Variants in XAF1 observed in about 807,000 individuals in gnomAD.
XAF1 encodes the protein XIAP associated factor 1.
XAF1 carries 32 observed loss-of-function variants against 32.3 expected under a neutral mutation model. The observed-to-expected ratio is 0.99, with a 90% CI of 0.75 to 1.33. XAF1 has a LOEUF of 1.33. Ranked by LOEUF, XAF1 falls within the 40% of genes most tolerant of loss-of-function variation. XAF1 has a pLI of 0.00. For missense variants in XAF1, 379 were observed against 366.0 expected (o/e 1.04, Z -0.29); for synonymous variants, 120 against 125.9 (o/e 0.95, Z 0.31).
intron 1 of XAF1, among the ~76,000 whole-genome samples, chr17:6,756,865 A>T (rs560108506): frequency 2.7e-4 from 41 of 152,260 alleles, no homozygotes; most frequent in African/African-American, 9.6e-4. Flanking sequence ...CTGTGCCAGG[A>T]ACATGGGCAT....
At chr17:6,765,658 G>A (rs1975564175) in intron 5 of XAF1, among the ~76,000 whole-genome samples, 2 of 152,228 alleles carry the variant, frequency 1.3e-5, no homozygotes, top group South Asian at 4.2e-4. Context: ...CAGTTGTTCA[G>A]GCCAAAATCT....
At chr17:6,764,020 G>A (rs1975410880) in intron 5 of XAF1, among the ~76,000 whole-genome samples, 1 of 152,144 alleles carries the variant, frequency 6.6e-6, no homozygotes, top group African/African-American at 2.4e-5. Context: ...CTGGCAACCA[G>A]GGCACCTACA....
upstream of XAF1, chr17:6,755,579 C>T (rs905370880): frequency 4.4e-5 from 44 of 1,005,914 alleles, no homozygotes; most frequent in Admixed American, 1.0e-4. Flanking sequence ...CCTCCCTGGA[C>T]GCTGTTTGCA....
intron 3 of XAF1, 49 bp downstream of exon 3, chr17:6,759,767 A>C: frequency 6.2e-7 from 1 of 1,613,680 alleles, no homozygotes; most frequent in Non-Finnish European, 8.5e-7. Context: ...GACCAACCTG[A>C]GAAAAGGAGA....
chr17:6,762,309 A>C (rs1385212330), intron 5 of XAF1, 69 bp downstream of exon 5: 2 of 1,385,254 alleles, frequency 1.4e-6, no homozygotes, highest in Non-Finnish European at 9.8e-7. Flanking sequence ...TGTGATAGGA[A>C]AGGCAGATTC....
At position 6,770,990 on chromosome 17, in the gene XAF1, C is replaced by G. The variant is rs371175184; in HGVS notation, c.849+6C>G. 4 of 1,613,950 alleles carry G rather than the reference C, an allele frequency of 2.5e-6. No homozygotes were observed. The highest frequency in any genetic ancestry group is 3.4e-6 in the Non-Finnish European group (4 of 1,179,882). On this transcript the variant is annotated splice_donor_region_variant and intron_variant, in intron 6 of 6. Transcript: ENST00000361842. ...CGATCCTAAATCAACATCAGGTACTCAGCCTCTGTTCTCTGCTTACCTTTC... is the reference window on the plus strand; with the variant it reads ...CGATCCTAAATCAACATCAGGTACTGAGCCTCTGTTCTCTGCTTACCTTTC...
At chr17:6,759,058 A>G in intron 2 of XAF1, 2 of 771,834 alleles carry the variant, frequency 2.6e-6, no homozygotes, top group Non-Finnish European at 3.3e-6. Flanking sequence ...TGCAGGAGAG[A>G]TGGGGTCCGG....
rs144018972 is a variant in XAF1 at position 6,760,526 on chromosome 17, G to C, written c.346G>C (p.Gly116Arg). The C allele has an allele frequency of 1.9e-6, 3 of 1,613,598 alleles. No individual in the cohort carries two copies. Among genetic ancestry groups the C allele is most frequent in the Non-Finnish European group, 2.5e-6 (3 of 1,179,950 alleles). Residue 116 changes from glycine to arginine, a missense_variant, in exon 4 of 7, where the codon GGC becomes CGC. Coordinates refer to ENST00000361842, the MANE Select transcript of XAF1 (RefSeq NM_017523.5). ...GSRTELCQGC[G>R]QFIMHRMLAQ... is the part of the protein sequence containing the mutation. ...CCGGACAGAGCTCTGCCAAGGCTGT[G>C]GCCAGTTCATCATGCACCGCATGCT...
chr17:6,758,642 G>A (rs968073434), intron 2 of XAF1: 2 of 330,814 alleles, frequency 6.0e-6, no homozygotes, highest in African/African-American at 2.2e-5. Flanking sequence ...TGGGGTCTGG[G>A]AGGGGCAAGT....
chr17:6,768,132 T>TC lies in XAF1; in HGVS notation c.508-2511_508-2510insC, dbSNP rs1276032645. On this transcript the variant is annotated intron_variant, in intron 5 of 6. Transcript: ENST00000361842. Reference sequence around the variant, plus strand: ...TGCTTTTTTTCTTTCTTTCTTTCTTTTTTTTTTTGAGACAAAAGTCTCACT... The same window carrying TC: ...TGCTTTTTTTCTTTCTTTCTTTCTTTCTTTTTTTTGAGACAAAAGTCTCACT... Among the ~76,000 whole-genome samples the TC allele has an allele frequency of 3.9e-5, 6 of 152,012 alleles. No homozygotes were observed. In the South Asian group the frequency reaches 8.3e-4, roughly 21 times the overall value.
intron 1 of XAF1, 148 bp from the exon 2 acceptor site, chr17:6,757,941 C>G: frequency 9.2e-7 from 1 of 1,081,584 alleles, no homozygotes; most frequent in South Asian, 1.4e-5. Flanking sequence ...TGGACCCACA[C>G]AGGGAGTGTG....
chr17:6,758,604 G>T, intron 2 of XAF1: 2 of 349,646 alleles, frequency 5.7e-6, no homozygotes, highest in Non-Finnish European at 1.1e-5. Context: ...GAGTCAAGGC[G>T]AGTGTTCAGT....
intron 5 of XAF1, among the ~76,000 whole-genome samples, chr17:6,764,651 A>C (rs116702772): frequency 0.063 from 9,640 of 152,196 alleles, 475 homozygotes; most frequent in Middle Eastern, 0.14. Flanking sequence ...ACTTTTTATT[A>C]ATATGACCCA....
chr17:6,767,761 C>CT, intron 5 of XAF1, among the ~76,000 whole-genome samples: 1 of 152,146 alleles, frequency 6.6e-6, no homozygotes, highest in South Asian at 2.1e-4. Context: ...GCTGCTGCTG[C>CT]TGCTTGCTTC....
At chr17:6,758,998 C>A in intron 2 of XAF1, 1 of 353,244 alleles carries the variant, frequency 2.8e-6, no homozygotes, top group Non-Finnish European at 4.4e-6. Flanking sequence ...TTCCATCCTC[C>A]CTGCAAGAAA....
chr17:6,759,794 G>A, intron 3 of XAF1, 76 bp downstream of exon 3: 1 of 1,609,532 alleles, frequency 6.2e-7, no homozygotes, highest in Non-Finnish European at 8.5e-7. Flanking sequence ...GGAAACGGGA[G>A]GCCAGTAATA....
At chr17:6,766,094 A>T (rs976471466) in intron 5 of XAF1, among the ~76,000 whole-genome samples, 12 of 151,426 alleles carry the variant, frequency 7.9e-5, no homozygotes, top group Admixed American at 3.3e-4. Flanking sequence ...TCCCCACCCT[A>T]CTCCAGGAGC....
chr17:6,760,067 C>T (rs1007986599), intron 3 of XAF1, among the ~76,000 whole-genome samples: 2 of 152,142 alleles, frequency 1.3e-5, no homozygotes, highest in African/African-American at 4.8e-5. Flanking sequence ...GGCCAGTGAT[C>T]GGCCAGGCGC....
In XAF1 at chr17:6,759,683, C is replaced by A; in HGVS notation, c.190C>A (p.Gln64Lys). ...TTAGGTTGGGTGTACGATGTGTCAG[C>A]AGAGCATGCAGAAGTCCTCGCTGGA... The part of the protein sequence containing the change: ...HQQVGCTMCQ[Q>K]SMQKSSLEFH... Residue 64 changes from glutamine to lysine, a missense_variant, in exon 3 of 7, where the codon CAG becomes AAG. By Grantham distance (53) the Gln-to-Lys change is moderately conservative. Transcript: ENST00000361842. The A allele has an allele frequency of 6.2e-7, 1 of 1,613,616 alleles. No homozygotes were observed. Among genetic ancestry groups the A allele is most frequent in the African/African-American group, 1.3e-5 (1 of 74,854 alleles).
Sources: gnomAD v4.1 joint callset for allele counts (sites outside exome capture counted in the v4.1 genomes callset) on GRCh38, gnomAD v4.1.1 for gene constraint, MANE v1.5 for transcripts, NCBI Gene and HGNC (gene_info 2026-07-23, HGNC 2026-07-21) for gene names.